Variants in FRMPD4 observed in about 807,000 individuals in gnomAD.
The protein encoded by FRMPD4 is FERM and PDZ domain-containing protein 4.
Under a neutral mutation model 94.1 loss-of-function variants are expected in FRMPD4, and 22 were observed. The ratio of observed to expected loss-of-function variants is 0.23; its 90% CI spans 0.17 to 0.33. FRMPD4 has a LOEUF of 0.33. Ranked by LOEUF, FRMPD4 falls within the 10% of genes least tolerant of loss-of-function variation. FRMPD4 has a pLI of 1.00. For missense variants in FRMPD4, 1,111 were observed against 1,339.9 expected (o/e 0.83, Z 2.67); for synonymous variants, 631 against 548.6 (o/e 1.15, Z -2.10).
chrX:12,484,350 C>T (rs1002887226), intron 1 of FRMPD4, among the ~76,000 whole-genome samples: 1 of 112,015 alleles, frequency 8.9e-6, no homozygotes, highest in African/African-American at 3.2e-5. Context: ...ATGCCAGTGG[C>T]TGTGCCATTG....
intron 3 of FRMPD4, among the ~76,000 whole-genome samples, chrX:12,075,174 A>G (rs953838241): frequency 3.6e-5 from 4 of 112,451 alleles, no homozygotes; most frequent in African/African-American, 9.7e-5. Context: ...TCTATATATT[A>G]TAATGGTGGA....
At chrX:12,611,791 T>C (rs2059186673) in intron 3 of FRMPD4, among the ~76,000 whole-genome samples, 1 of 112,113 alleles carries the variant, frequency 8.9e-6, no homozygotes, top group South Asian at 3.7e-4. Context: ...GTAGATCATA[T>C]TTTAGTTCTC....
chrX:12,392,251 G>A (rs1049938054), intron 1 of FRMPD4, among the ~76,000 whole-genome samples: 1 of 106,763 alleles, frequency 9.4e-6, no homozygotes, highest in Non-Finnish European at 1.9e-5. Context: ...ATGTTGGCCA[G>A]GTTGGTCTCG....
chrX:12,076,847 C>A (rs781491327), intron 3 of FRMPD4, among the ~76,000 whole-genome samples: 16 of 111,758 alleles, frequency 1.4e-4, no homozygotes, highest in Non-Finnish European at 2.8e-4. Context: ...CCTTTTTCTG[C>A]ATTCTCTTCT....
intron 1 of FRMPD4, among the ~76,000 whole-genome samples, chrX:11,849,898 C>T (rs1350352217): frequency 9.0e-6 from 1 of 111,050 alleles, no homozygotes; most frequent in East Asian, 2.8e-4. Context: ...ACACCAAAAG[C>T]ATAGGCAACA....
intron 3 of FRMPD4, among the ~76,000 whole-genome samples, chrX:12,052,219 G>C (rs2054822482): frequency 1.8e-5 from 2 of 111,862 alleles, no homozygotes; most frequent in Admixed American, 9.5e-5. Context: ...ATTTCTGCTA[G>C]TCAGGAGTAG....
chrX:12,697,222 T>A (rs1453779599), intron 9 of FRMPD4, among the ~76,000 whole-genome samples: 1 of 112,050 alleles, frequency 8.9e-6, no homozygotes, highest in Non-Finnish European at 1.9e-5. Flanking sequence ...CCTGGACCCC[T>A]CACTTGTCAA....
intron 2 of FRMPD4, among the ~76,000 whole-genome samples, chrX:12,512,496 G>C (rs766318193): frequency 1.8e-5 from 2 of 112,676 alleles, no homozygotes; most frequent in South Asian, 7.4e-4. Flanking sequence ...TCCTGCATTA[G>C]TTTGCTGAGG....
At chrX:12,020,767 A>G (rs1223765709) in intron 3 of FRMPD4, among the ~76,000 whole-genome samples, 1 of 111,906 alleles carries the variant, frequency 8.9e-6, no homozygotes, top group Non-Finnish European at 1.9e-5. Context: ...TTAATTAATC[A>G]ACCCCCTTTG....
chrX:12,444,034 G>A (rs185436896), intron 1 of FRMPD4, among the ~76,000 whole-genome samples: 21 of 111,031 alleles, frequency 1.9e-4, no homozygotes, highest in African/African-American at 5.2e-4. Context: ...GATGGTTTTC[G>A]GTTCCTTCAG....
chrX:11,973,208 ATT>A (rs1056500466), intron 3 of FRMPD4, among the ~76,000 whole-genome samples: 8 of 112,746 alleles, frequency 7.1e-5, no homozygotes, highest in Admixed American at 5.6e-4. Context: ...GTGTCTATTA[ATT>A]CAGACTTCCA....
At chrX:12,513,854 GA>G (rs1357215872) in intron 2 of FRMPD4, among the ~76,000 whole-genome samples, 1 of 112,063 alleles carries the variant, frequency 8.9e-6, no homozygotes, top group Non-Finnish European at 1.9e-5. Flanking sequence ...CATGAGCATG[GA>G]ATGTTTCTCC....
chrX:12,463,686 TTTTTTGTTTTTG>T (rs1192774937), intron 1 of FRMPD4, among the ~76,000 whole-genome samples: 2 of 90,110 alleles, frequency 2.2e-5, no homozygotes, highest in African/African-American at 9.2e-5. Context: ...TGTGTGTTTT[TTTTTTGTTTTTG>T]TTTTTTTTTT....
intron 1 of FRMPD4, among the ~76,000 whole-genome samples, chrX:12,416,225 T>C (rs754720938): frequency 9.1e-6 from 1 of 110,135 alleles, no homozygotes; most frequent in South Asian, 3.9e-4. Context: ...CCTTCTTTTT[T>C]CTTTCTTTCT....
chrX:12,517,319 C>T (rs1342170131), intron 2 of FRMPD4, among the ~76,000 whole-genome samples: 1 of 89,904 alleles, frequency 1.1e-5, no homozygotes, highest in Non-Finnish European at 2.3e-5. Flanking sequence ...TTTGTTGATT[C>T]GTTCTAATCT....
chrX:12,534,614 G>A (rs1423451932), intron 2 of FRMPD4, among the ~76,000 whole-genome samples: 9 of 112,659 alleles, frequency 8.0e-5, no homozygotes, highest in Non-Finnish European at 1.5e-4. Flanking sequence ...CTGGATGTGA[G>A]ACATGGTAGT....
chrX:12,045,357 G>A (rs187573848), intron 3 of FRMPD4, among the ~76,000 whole-genome samples: 2 of 111,792 alleles, frequency 1.8e-5, no homozygotes, highest in African/African-American at 3.2e-5. Context: ...GTTTACTTCC[G>A]GGATTACTAC....
intron 3 of FRMPD4, among the ~76,000 whole-genome samples, chrX:12,128,447 G>A (rs1204974393): frequency 1.8e-5 from 2 of 112,166 alleles, no homozygotes; most frequent in African/African-American, 6.5e-5. Flanking sequence ...TCTGCACAGA[G>A]CAGAGGGGCC....
intron 1 of FRMPD4, among the ~76,000 whole-genome samples, chrX:11,839,853 G>T (rs2053523628): frequency 9.1e-6 from 1 of 110,315 alleles, no homozygotes; most frequent in African/African-American, 3.3e-5. Flanking sequence ...TTTTCTCATT[G>T]AATTGTCTCA....
Sources: allele counts gnomAD v4.1 joint callset (sites outside exome capture counted in the v4.1 genomes callset), GRCh38; gene constraint gnomAD v4.1.1; transcripts MANE v1.5; gene names NCBI Gene and HGNC (gene_info 2026-07-23, HGNC 2026-07-21).